Variants in MAP4K4 observed in about 807,000 individuals in gnomAD.
MAP4K4 encodes mitogen-activated protein kinase kinase kinase kinase 4, also known as HPK/GCK-like kinase HGK.
In MAP4K4, 38 loss-of-function variants were observed where a neutral mutation model predicts 189.6. That is an observed-to-expected ratio of 0.20 (90% CI 0.15 to 0.26). MAP4K4 has a LOEUF of 0.26. MAP4K4 is among the 10% of genes least tolerant of loss of function. MAP4K4 has a pLI of 1.00. For missense variants in MAP4K4, 1,054 were observed against 1,726.9 expected, an observed-to-expected ratio of 0.61 and a Z score of 6.91; for synonymous variants, 610 against 624.3, an observed-to-expected ratio of 0.98 and a Z score of 0.34.
At chr2:101,748,476 T>C (rs2066789168) in intron 2 of MAP4K4, among the ~76,000 whole-genome samples, 1 of 152,214 alleles carries the variant, frequency 6.6e-6, no homozygotes, top group Non-Finnish European at 1.5e-5. Flanking sequence ...TTCCCATTTC[T>C]TGACTCTGAA....
intron 9 of MAP4K4, among the ~76,000 whole-genome samples, chr2:101,838,177 T>C (rs901434615): frequency 6.6e-5 from 10 of 152,242 alleles, no homozygotes; most frequent in Admixed American, 1.3e-4. Context: ...GTGGACACAA[T>C]GCTTAGGAAT....
chr2:101,806,307 CG>C (rs772993571), intron 3 of MAP4K4, among the ~76,000 whole-genome samples: 4 of 151,390 alleles, frequency 2.6e-5, no homozygotes, highest in Non-Finnish European at 4.4e-5. Context: ...ATCTTTCTTT[CG>C]TGAATGAGTG....
At chr2:101,881,042 ACT>A (rs1251190419) in intron 27 of MAP4K4, among the ~76,000 whole-genome samples, 1 of 151,900 alleles carries the variant, frequency 6.6e-6, no homozygotes, top group Non-Finnish European at 1.5e-5. Context: ...AATTGCATTG[ACT>A]CTGTGGATCA....
At chr2:101,754,022 G>A (rs2070776056) in intron 2 of MAP4K4, among the ~76,000 whole-genome samples, 1 of 152,100 alleles carries the variant, frequency 6.6e-6, no homozygotes, top group African/African-American at 2.4e-5. Flanking sequence ...TGATTGACAA[G>A]CCGAATATGG....
chr2:101,756,491 A>C (rs1040106682), intron 2 of MAP4K4, among the ~76,000 whole-genome samples: 6 of 152,174 alleles, frequency 3.9e-5, no homozygotes. Context: ...CATTAGTGAC[A>C]GGACTGGAAT....
exon 31 of MAP4K4, chr2:101,887,821 A>G (rs376643349): frequency 3.1e-6 from 5 of 1,613,284 alleles, no homozygotes; most frequent in Non-Finnish European, 4.2e-6. Context: ...ATCCTCCCCA[A>G]TACAGATGGA....
chr2:101,722,579 G>A (rs2052785290), intron 2 of MAP4K4, among the ~76,000 whole-genome samples: 1 of 152,156 alleles, frequency 6.6e-6, no homozygotes, highest in East Asian at 1.9e-4. Flanking sequence ...AGTTACAGTT[G>A]ATTTTCTGAT....
intron 28 of MAP4K4, 93 bp from the exon 29 acceptor site, chr2:101,885,094 T>G: frequency 1.8e-6 from 1 of 549,730 alleles, no homozygotes; most frequent in Non-Finnish European, 3.2e-6. Context: ...GAAGGCATAT[T>G]TATAAAGTTT....
At chr2:101,707,653 C>G (rs1310802607) in intron 2 of MAP4K4, among the ~76,000 whole-genome samples, 1 of 151,318 alleles carries the variant, frequency 6.6e-6, no homozygotes, top group Non-Finnish European at 1.5e-5. Flanking sequence ...GCTGGGACTA[C>G]AGGTGTGCAC....
At chr2:101,740,033 C>T (rs1360478046) in intron 2 of MAP4K4, among the ~76,000 whole-genome samples, 1 of 152,132 alleles carries the variant, frequency 6.6e-6, no homozygotes, top group African/African-American at 2.4e-5. Flanking sequence ...GACATGTTGA[C>T]CACAGGTCAT....
intron 18 of MAP4K4, among the ~76,000 whole-genome samples, chr2:101,866,057 A>G (rs1228932183): frequency 6.6e-6 from 1 of 152,226 alleles, no homozygotes; most frequent in Non-Finnish European, 1.5e-5. Context: ...GCAGCAGCCT[A>G]GAAACAGAAT....
chr2:101,879,787 T>C (rs2098329979), intron 27 of MAP4K4, among the ~76,000 whole-genome samples: 1 of 152,000 alleles, frequency 6.6e-6, no homozygotes, highest in Non-Finnish European at 1.5e-5. Context: ...TTGAACTGAT[T>C]TTATATAATG....
intron 2 of MAP4K4, among the ~76,000 whole-genome samples, chr2:101,763,640 T>C (rs973909339): frequency 1.3e-5 from 2 of 152,222 alleles, no homozygotes; most frequent in South Asian, 2.1e-4. Flanking sequence ...GTTTTAAATA[T>C]GCCAGGAGTG....
At chr2:101,790,093 T>C (rs2148793915) in intron 2 of MAP4K4, among the ~76,000 whole-genome samples, 1 of 152,336 alleles carries the variant, frequency 6.6e-6, no homozygotes, top group East Asian at 1.9e-4. Flanking sequence ...TTTCGTCATG[T>C]TATGCTTTAG....
chr2:101,802,584 C>T (rs1056612238), intron 3 of MAP4K4, among the ~76,000 whole-genome samples: 27 of 152,236 alleles, frequency 1.8e-4, no homozygotes, highest in Admixed American at 1.1e-3. Context: ...CACTCCCTCA[C>T]GGCTGCCCAG....
chr2:101,731,546 C>T (rs1574448900), intron 2 of MAP4K4, among the ~76,000 whole-genome samples: 1 of 152,172 alleles, frequency 6.6e-6, no homozygotes, highest in East Asian at 1.9e-4. Context: ...ATTGCCAGAG[C>T]TTAGAAGTTT....
chr2:101,832,153 A>G (rs1198762141), intron 7 of MAP4K4, among the ~76,000 whole-genome samples: 1 of 152,240 alleles, frequency 6.6e-6, no homozygotes, highest in Non-Finnish European at 1.5e-5. Flanking sequence ...CTTGAAGAAT[A>G]TATTAGAATC....
intron 10 of MAP4K4, among the ~76,000 whole-genome samples, chr2:101,841,222 C>G (rs1429049998): frequency 6.6e-6 from 1 of 152,134 alleles, no homozygotes; most frequent in Non-Finnish European, 1.5e-5. Flanking sequence ...GTTTACCTTC[C>G]AGATACCATT....
chr2:101,698,327 C>A (rs1190848663), intron 1 of MAP4K4, 146 bp from the exon 2 acceptor site: 3 of 813,890 alleles, frequency 3.7e-6, no homozygotes, highest in East Asian at 5.3e-5. Context: ...GCCCCGAGCC[C>A]GCCGCGCGAC....
Sources: gnomAD v4.1 joint callset for allele counts (sites outside exome capture counted in the v4.1 genomes callset) on GRCh38, gnomAD v4.1.1 for gene constraint, MANE v1.5 for transcripts, NCBI Gene and HGNC (gene_info 2026-07-23, HGNC 2026-07-21) for gene names.